The following ATF4 variants were observed in gnomAD, a reference collection of about 807,000 sequenced individuals.
The protein encoded by ATF4 is cyclic AMP-dependent transcription factor ATF-4.
Under a neutral mutation model 21.0 loss-of-function variants are expected in ATF4, and 8 were observed. The ratio of observed to expected loss-of-function variants is 0.38; its 90% confidence interval spans 0.22 to 0.69. The LOEUF (loss-of-function observed/expected upper bound fraction) is 0.69, where lower values mean the gene tolerates loss of function less well. ATF4 is among the 30% of genes least tolerant of loss of function. ATF4 has a pLI of 0.49. For missense variants in ATF4, 549 were observed against 425.9 expected (o/e 1.29, Z -2.54); for synonymous variants, 241 against 166.4 (o/e 1.45, Z -3.45).
At position 39,522,162 on chromosome 22, in the gene ATF4, C is replaced by T; in HGVS notation, c.616C>T (p.Gln206Ter). 1 of 1,613,554 alleles carries T rather than the reference C, an allele frequency of 6.2e-7. No individual in the cohort carries two copies. The highest frequency in any genetic ancestry group is 8.5e-7 in the Non-Finnish European group (1 of 1,179,640). The change falls in exon 3 of 3, where the codon CAG becomes TAG. Residue 206 changes from glutamine (Q) to a stop codon, truncating the protein, a stop_gained. Coordinates refer to ENST00000674920, the MANE Select transcript of ATF4 (RefSeq NM_182810.3). LOFTEE classifies it high-confidence loss of function. ...CACTGCTTACGTTGCCATGATCCCT[C>T]AGTGCATAAAGGAGGAAGACACCCC... Reference protein sequence around the residue: ...DYTAYVAMIPQCIKEEDTPSD... With the variant: ...DYTAYVAMIP
At chr22:39,521,290 T>G in intron 1 of ATF4, 64 bp from the exon 2 acceptor site, 1 of 609,950 alleles carries the variant, frequency 1.6e-6, no homozygotes, top group Non-Finnish European at 2.8e-6. Flanking sequence ...GCCTCATAAG[T>G]GGAAGGATGA....
intron 1 of ATF4, chr22:39,521,094 G>T: frequency 1.2e-5 from 2 of 169,822 alleles, no homozygotes; most frequent in South Asian, 2.8e-4. Flanking sequence ...GGCGGGCGGT[G>T]GGCGGGGCGC....
rs765557801 is a variant in ATF4 at position 39,521,927 on chromosome 22, C to A, written c.381C>A (p.Val127=). 315 of 1,612,808 alleles carry A rather than the reference C, an allele frequency of 2.0e-4. No homozygotes were observed. The highest frequency in any genetic ancestry group is 5.8e-4 in the Admixed American group (35 of 59,916). The change falls in exon 3 of 3, where the codon GTC becomes GTA. Residue 127 remains valine (V), a synonymous_variant. Transcript: ENST00000674920. ...DDTCDLFAPL[V]QETNKQPPQT... is the part of the protein sequence containing the mutation. ...CTTGTGATCTCTTTGCCCCCCTAGT[C>A]CAGGAGACTAATAAGCAGCCCCCCC...
At position 39,520,581 on chromosome 22, in the gene ATF4, C is replaced by T. The variant is rs1273037293; in HGVS notation, c.-263C>T. The T allele has an allele frequency of 6.5e-6, 1 of 152,896 alleles. No individual in the cohort carries two copies. The allele number at this position is 152,896 out of a possible 1,614,324, so 9.5% of individuals were successfully genotyped here. A position where few individuals can be genotyped will look rare whatever the true frequency, so the allele number is the denominator to read the frequency against. On this transcript the variant is annotated 5_prime_UTR_variant, in exon 1 of 3. Coordinates refer to ENST00000674920, the MANE Select transcript of ATF4 (RefSeq NM_182810.3). Reference sequence around the variant, plus strand: ...GGCAGCCATTTCTACTTTGCCCGCCCACAGATGTAGTTTTCTCTGCGCGTG... The same window carrying T: ...GGCAGCCATTTCTACTTTGCCCGCCTACAGATGTAGTTTTCTCTGCGCGTG...
chr22:39,522,089 G>A lies in ATF4; in HGVS notation c.543G>A (p.Glu181=). The change falls in exon 3 of 3, where the codon GAG becomes GAA. Residue 181 remains glutamate, a synonymous_variant. Coordinates refer to ENST00000674920, the MANE Select transcript of ATF4 (RefSeq NM_182810.3). ...CTCCAGATCATTCCTTTAGTTTAGAGCTGGGCAGTGAAGTGGATATCACTG... is the reference window on the plus strand; with the variant it reads ...CTCCAGATCATTCCTTTAGTTTAGAACTGGGCAGTGAAGTGGATATCACTG... The part of the protein sequence containing the change: ...SSTPDHSFSL[E]LGSEVDITEG... 6.2e-7 allele frequency: 1 copy of A among 1,613,914 alleles called. No individual in the cohort carries two copies. The highest frequency in any genetic ancestry group is 1.3e-5 in the African/African-American group (1 of 75,014).
In ATF4 at chr22:39,521,917, C is replaced by T. The variant is rs1209962043; in HGVS notation, c.371C>T (p.Ala124Val). Residue 124 changes from alanine to valine, a missense_variant, in exon 3 of 3, where the codon GCC (alanine) becomes GTC (valine). Ala to Val is a moderately conservative substitution (Grantham distance 64, BLOSUM62 0). Transcript: ENST00000674920. Reference protein sequence around the residue: ...TTLDDTCDLFAPLVQETNKQP... With the variant: ...TTLDDTCDLFVPLVQETNKQP... ...TTGGATGACACTTGTGATCTCTTTG[C>T]CCCCCTAGTCCAGGAGACTAATAAG... is the stretch of plus-strand genomic sequence containing the variant. 1.9e-6 allele frequency: 3 copies of T among 1,612,124 alleles called. No individual in the cohort carries two copies. The highest frequency in any genetic ancestry group is 1.7e-4 in the Middle Eastern group (1 of 6,058).
Position 39,521,967 on chromosome 22 carries a change from A to G in ATF4, c.421A>G (p.Ile141Val), listed in dbSNP as rs763038389. Residue 141 changes from isoleucine (I) to valine (V), a missense_variant, in exon 3 of 3, where the codon ATT becomes GTT. By Grantham distance (29) the Ile-to-Val change is conservative. Transcript: ENST00000674920. ...NKQPPQTVNP[I>V]GHLPESLTKP... ...GCAGCCCCCCCAGACGGTGAACCCA[A>G]TTGGCCATCTCCCAGAAAGTTTAAC... is the stretch of plus-strand genomic sequence containing the variant. The G allele has an allele frequency of 5.1e-5, 80 of 1,574,964 alleles. No individual in the cohort carries two copies. Among genetic ancestry groups the G allele is most frequent in the East Asian group, 1.0e-4 (4 of 39,876 alleles).
rs1930883442 is a variant in ATF4, at chr22:39,520,688, C to T, written c.-156C>T. 6.5e-6 allele frequency: 1 copy of T among 153,432 alleles called. No homozygotes were observed. The highest frequency in any genetic ancestry group is 2.4e-5 in the African/African-American group (1 of 41,500). 9.5% of individuals were successfully genotyped at this position (153,432 alleles called of 1,614,324 possible). A position where few individuals can be genotyped will look rare whatever the true frequency, so the allele number is the denominator to read the frequency against. The stretch of plus-strand genomic sequence containing the variant: ...CAGCAGTGCCTGCGGCAGCATTGGC[C>T]TTTGCAGCGGCGGCAGCAGCACCAG... On this transcript the variant is annotated 5_prime_UTR_variant, in exon 1 of 3. Transcript: ENST00000674920.
At position 39,522,400 on chromosome 22, in the gene ATF4, T is replaced by A. The variant is rs1223362815; in HGVS notation, c.854T>A (p.Met285Lys). The change falls in exon 3 of 3, where the codon ATG becomes AAG. Residue 285 changes from methionine to lysine, a missense_variant. By Grantham distance (95) the Met-to-Lys change is moderately conservative. Coordinates refer to ENST00000674920, the MANE Select transcript of ATF4 (RefSeq NM_182810.3). The part of the protein sequence containing the change: ...GEKLDKKLKK[M>K]EQNKTAATRY... ...AAACTGGATAAGAAGCTGAAAAAAA[T>A]GGAGCAAAACAAGACAGCAGCCACT... 9 of 1,611,900 alleles carry A rather than the reference T, an allele frequency of 5.6e-6. No individual in the cohort carries two copies. The highest frequency in any genetic ancestry group is 6.8e-6 in the Non-Finnish European group (8 of 1,179,194).
In ATF4 at chr22:39,522,170, A is replaced by G. The variant is rs146633351; in HGVS notation, c.624A>G (p.Ile208Met). 1.3e-3 allele frequency: 2,094 copies of G among 1,613,094 alleles called. 2 individuals are homozygous for G. Among genetic ancestry groups the G allele is most frequent in the Non-Finnish European group, 1.7e-3 (1,971 of 1,179,384 alleles). ...ACGTTGCCATGATCCCTCAGTGCAT[A>G]AAGGAGGAAGACACCCCTTCAGATA... ...TAYVAMIPQC[I>M]KEEDTPSDND... is the part of the protein sequence containing the mutation. Residue 208 changes from isoleucine (I) to methionine (M), a missense_variant, in exon 3 of 3, where the codon ATA (isoleucine) becomes ATG (methionine). Ile to Met is a conservative substitution (Grantham distance 10). Transcript: ENST00000674920.
At position 39,522,102 on chromosome 22, in the gene ATF4, G is replaced by C; in HGVS notation, c.556G>C (p.Val186Leu). 1 of 1,613,926 alleles carries C rather than the reference G, an allele frequency of 6.2e-7. No individual in the cohort carries two copies. The highest frequency in any genetic ancestry group is 8.5e-7 in the Non-Finnish European group (1 of 1,179,812). ...HSFSLELGSE[V>L]DITEGDRKPD... is the part of the protein sequence containing the mutation. Reference sequence around the variant, plus strand: ...CTTTAGTTTAGAGCTGGGCAGTGAAGTGGATATCACTGAAGGAGATAGGAA... The same window carrying C: ...CTTTAGTTTAGAGCTGGGCAGTGAACTGGATATCACTGAAGGAGATAGGAA... Residue 186 changes from valine (V) to leucine (L), a missense_variant, in exon 3 of 3, where the codon GTG becomes CTG. Val to Leu is a conservative substitution (Grantham distance 32). Transcript: ENST00000674920.
intron 1 of ATF4, 33 bp downstream of exon 1, chr22:39,520,784 C>T (rs574942377): frequency 1.3e-5 from 2 of 153,648 alleles, no homozygotes; most frequent in East Asian, 3.8e-4. Context: ...CAGCTGTGCT[C>T]CTGGGGCCGG....
rs1569027091 is a variant in ATF4, at chr22:39,522,651, C to G, written c.*49C>G. On this transcript the variant is annotated 3_prime_UTR_variant, in exon 3 of 3. Coordinates refer to ENST00000674920, the MANE Select transcript of ATF4 (RefSeq NM_182810.3). ...TGTGCTTGTACATAGAGTGCTGTAG[C>G]TGTGTGTTCCAATAAATTATTTTGT... The G allele has an allele frequency of 1.4e-6, 2 of 1,415,010 alleles. No homozygotes were observed. The highest frequency in any genetic ancestry group is 1.9e-6 in the Non-Finnish European group (2 of 1,061,906). 87.7% of individuals were successfully genotyped at this position (1,415,010 alleles called of 1,614,324 possible). A position where few individuals can be genotyped will look rare whatever the true frequency, so the allele number is the denominator to read the frequency against.
chr22:39,522,268 C>T lies in ATF4; in HGVS notation c.722C>T (p.Ser241Phe), dbSNP rs751686315. 11 of 1,607,362 alleles carry T rather than the reference C, an allele frequency of 6.8e-6. No homozygotes were observed. Among genetic ancestry groups the T allele is most frequent in the South Asian group, 5.5e-5 (5 of 90,488 alleles). ...SPQHSPSTRGSPNRSLPSPGV... is the reference protein window; with the variant it reads ...SPQHSPSTRGFPNRSLPSPGV... ...CAGCACAGCCCCTCTACCAGGGGCT[C>T]TCCAAATAGGAGCCTCCCATCTCCA... The change falls in exon 3 of 3, where the codon TCT becomes TTT. Residue 241 changes from serine to phenylalanine, a missense_variant. By Grantham distance (155) the Ser-to-Phe change is radical. Transcript: ENST00000674920.
Position 39,521,998 on chromosome 22 carries a change from C to T in ATF4, c.452C>T (p.Pro151Leu). 4 of 1,613,608 alleles carry T rather than the reference C, an allele frequency of 2.5e-6. No individual in the cohort carries two copies. The highest frequency in any genetic ancestry group is 2.2e-5 in the East Asian group (1 of 44,856). ...IGHLPESLTK[P>L]DQVAPFTFLQ... ...CATCTCCCAGAAAGTTTAACAAAAC[C>T]CGACCAGGTTGCCCCCTTCACCTTC... is the stretch of plus-strand genomic sequence containing the variant. Residue 151 changes from proline (P) to leucine (L), a missense_variant, in exon 3 of 3, where the codon CCC (proline) becomes CTC (leucine). Physicochemically the swap from Pro to Leu is moderately conservative, Grantham distance 98 (BLOSUM62 -3). Transcript: ENST00000674920.
Position 39,522,679 on chromosome 22 carries a change from G to C in ATF4, c.*77G>C. 7.5e-7 allele frequency: 1 copy of C among 1,325,674 alleles called. No homozygotes were observed. The highest frequency in any genetic ancestry group is 1.0e-6 in the Non-Finnish European group (1 of 998,426). The allele number at this position is 1,325,674 out of a possible 1,614,324, so 82.1% of individuals were successfully genotyped here. On this transcript the variant is annotated 3_prime_UTR_variant, in exon 3 of 3. Coordinates refer to ENST00000674920, the MANE Select transcript of ATF4 (RefSeq NM_182810.3). ...TGTGTTCCAATAAATTATTTTGTAG[G>C]GAAAGTACTTGTGCGTTTGAATTCC...
Position 39,522,625 on chromosome 22 carries a change from A to G in ATF4, c.*23A>G, listed in dbSNP as rs749707544. The G allele has an allele frequency of 3.1e-5, 47 of 1,510,990 alleles. No individual in the cohort carries two copies. Among genetic ancestry groups the G allele is most frequent in the Non-Finnish European group, 4.0e-5 (45 of 1,130,642 alleles). 93.6% of individuals were successfully genotyped at this position (1,510,990 alleles called of 1,614,324 possible). On this transcript the variant is annotated 3_prime_UTR_variant, in exon 3 of 3. Coordinates refer to ENST00000674920, the MANE Select transcript of ATF4 (RefSeq NM_182810.3). Reference sequence around the variant, plus strand: ...TAGTTGAGGATAGTCAGGAGCGTCAATGTGCTTGTACATAGAGTGCTGTAG... The same window carrying G: ...TAGTTGAGGATAGTCAGGAGCGTCAGTGTGCTTGTACATAGAGTGCTGTAG...
In ATF4 at chr22:39,520,709, A is replaced by C. The variant is rs1173339695; in HGVS notation, c.-135A>C. 1 of 153,510 alleles carries C rather than the reference A, an allele frequency of 6.5e-6. No homozygotes were observed. The highest frequency in any genetic ancestry group is 2.4e-5 in the African/African-American group (1 of 41,488). The allele number at this position is 153,510 out of a possible 1,614,324, so 9.5% of individuals were successfully genotyped here. On this transcript the variant is annotated 5_prime_UTR_variant, in exon 1 of 3. Coordinates refer to ENST00000674920, the MANE Select transcript of ATF4 (RefSeq NM_182810.3). ...TGGCCTTTGCAGCGGCGGCAGCAGC[A>C]CCAGGCTCTGCAGCGGCAACCCCCA...
At chr22:39,521,312 C>T (rs1032908283) in intron 1 of ATF4, 42 bp from the exon 2 acceptor site, 14 of 717,720 alleles carry the variant, frequency 2.0e-5, no homozygotes, top group African/African-American at 1.8e-4. Context: ...ATTCTCAGAA[C>T]AGCTAACCTC....
Sources: allele counts gnomAD v4.1 joint callset, GRCh38; gene constraint gnomAD v4.1.1; transcripts MANE v1.5; gene names NCBI Gene and HGNC (gene_info 2026-07-23, HGNC 2026-07-21).